The following GSE1 variants were observed in gnomAD, a reference collection of about 807,000 sequenced individuals.
GSE1 encodes Gse1 coiled-coil protein.
In GSE1, 32 loss-of-function variants were observed where a neutral mutation model predicts 112.6. The observed-to-expected ratio is 0.28, with a 90% confidence interval of 0.21 to 0.38. The LOEUF is 0.38. GSE1 is among the 10% of genes least tolerant of loss of function. The probability of loss-of-function intolerance (pLI) is 1.00; values close to 1 mark genes in which losing one functional copy is unlikely to be tolerated. For synonymous variants in GSE1, 1,115 were observed against 735.6 expected, an observed-to-expected ratio of 1.52 and a Z score of -8.35; for missense variants, 2,348 against 1,699.2, an observed-to-expected ratio of 1.38 and a Z score of -6.71.
chr16:85,393,334 G>A (rs1567732050), intron 2 of GSE1, among the ~76,000 whole-genome samples: 1 of 152,236 alleles, frequency 6.6e-6, no homozygotes, highest in Admixed American at 6.5e-5. Context: ...TGGCAAGACA[G>A]GAGCGGCAGG....
At chr16:85,388,472 ATGGGTGGG>A (rs1275864872) in intron 2 of GSE1, among the ~76,000 whole-genome samples, 4 of 17,298 alleles carry the variant, frequency 2.3e-4, no homozygotes, top group South Asian at 2.3e-3. Flanking sequence ...GGGTGAGTGG[ATGGGTGGG>A]TGGGTGGGTG....
At chr16:85,240,669 G>A (rs1377127115) in intron 1 of GSE1, among the ~76,000 whole-genome samples, 3 of 152,208 alleles carry the variant, frequency 2.0e-5, no homozygotes, top group African/African-American at 2.4e-5. Context: ...GCCTGGGTGC[G>A]CCCTGCGAGG....
intron 1 of GSE1, among the ~76,000 whole-genome samples, chr16:85,221,935 C>T (rs972382512): frequency 1.3e-5 from 2 of 152,182 alleles, no homozygotes; most frequent in African/African-American, 4.8e-5. Flanking sequence ...AGCTGCCCCT[C>T]CCGGTCCCCG....
chr16:85,395,375 CAT>C (rs2047941631), intron 2 of GSE1, among the ~76,000 whole-genome samples: 1 of 152,178 alleles, frequency 6.6e-6, no homozygotes, highest in African/African-American at 2.4e-5. Context: ...CCAGGCTCCT[CAT>C]GTGAGAAGGA....
chr16:85,214,677 C>G (rs529760441), intron 1 of GSE1, among the ~76,000 whole-genome samples: 32 of 152,336 alleles, frequency 2.1e-4, no homozygotes, highest in African/African-American at 7.5e-4. Context: ...GCCTCCCTCT[C>G]TGGCCTCTGT....
chr16:85,398,804 G>A (rs1221141232), intron 2 of GSE1, among the ~76,000 whole-genome samples: 2 of 152,138 alleles, frequency 1.3e-5, no homozygotes, highest in African/African-American at 4.8e-5. Context: ...ACATGGTCCC[G>A]CACAGAGAAT....
chr16:85,626,922 G>A (rs1229801690), intron 1 of GSE1, among the ~76,000 whole-genome samples: 1 of 151,928 alleles, frequency 6.6e-6, no homozygotes, highest in East Asian at 1.9e-4. Context: ...TGGACAGCAG[G>A]CAGACCGGTT....
In GSE1 at chr16:85,648,700, C is replaced by G; in HGVS notation, c.375C>G (p.Thr125=). Residue 125 remains threonine, a synonymous_variant, in exon 3 of 16, where the codon ACC becomes ACG. Transcript: ENST00000253458. The part of the protein sequence containing the change: ...HSVPSTPPVV[T]IAPTKTVNGV... ...TGCCCAGCACCCCCCCCGTGGTGAC[C>G]ATCGCTCCAACCAAAACCGTGAATG... The G allele has an allele frequency of 1.2e-6, 2 of 1,608,828 alleles. No individual in the cohort carries two copies. The highest frequency in any genetic ancestry group is 1.7e-6 in the Non-Finnish European group (2 of 1,177,904).
At chr16:85,210,065 C>T (rs764570197) in intron 1 of GSE1, among the ~76,000 whole-genome samples, 6 of 152,198 alleles carry the variant, frequency 3.9e-5, no homozygotes, top group Non-Finnish European at 7.4e-5. Flanking sequence ...TGGTCAGACT[C>T]GGTGCTGGTG....
intron 1 of GSE1, among the ~76,000 whole-genome samples, chr16:85,615,372 C>T (rs1232747915): frequency 6.6e-6 from 1 of 152,270 alleles, no homozygotes; most frequent in Non-Finnish European, 1.5e-5. Flanking sequence ...CTTTCCGAGA[C>T]AGCCAGCCCC....
At chr16:85,331,423 G>GTA (rs1256074843) in intron 1 of GSE1, among the ~76,000 whole-genome samples, 8 of 104,236 alleles carry the variant, frequency 7.7e-5, no homozygotes, top group Admixed American at 1.0e-4. Flanking sequence ...GCGTATATAT[G>GTA]TATATATGTA....
intron 1 of GSE1, among the ~76,000 whole-genome samples, chr16:85,224,101 G>A (rs1321886436): frequency 1.3e-5 from 2 of 151,784 alleles, no homozygotes; most frequent in African/African-American, 4.8e-5. Context: ...GGGGGCACGT[G>A]GCGCATCTCA....
intron 2 of GSE1, among the ~76,000 whole-genome samples, chr16:85,519,136 G>A (rs1259281936): frequency 1.3e-5 from 2 of 151,930 alleles, no homozygotes; most frequent in Non-Finnish European, 2.9e-5. Flanking sequence ...ATGAGGTACT[G>A]GGTATCAAGT....
chr16:85,446,555 C>T (rs1028388871), intron 2 of GSE1, among the ~76,000 whole-genome samples: 1 of 152,150 alleles, frequency 6.6e-6, no homozygotes, highest in Admixed American at 6.5e-5. Context: ...TGACCGGGCT[C>T]ATGTGGAAGG....
chr16:85,545,813 C>G (rs2044675228), intron 2 of GSE1, among the ~76,000 whole-genome samples: 1 of 152,186 alleles, frequency 6.6e-6, no homozygotes. Context: ...GAGACAGAGT[C>G]TCACTGTCGC....
At chr16:85,652,782 T>G (rs1044625052) in intron 3 of GSE1, among the ~76,000 whole-genome samples, 2 of 152,112 alleles carry the variant, frequency 1.3e-5, no homozygotes, top group African/African-American at 4.8e-5. Flanking sequence ...GTGGGGCAGG[T>G]CTCAGAGCCC....
intron 3 of GSE1, among the ~76,000 whole-genome samples, 153 bp from the exon 4 acceptor site, chr16:85,654,125 C>T (rs1317117237): frequency 6.6e-6 from 1 of 152,198 alleles, no homozygotes; most frequent in Non-Finnish European, 1.5e-5. Flanking sequence ...ACACCACATG[C>T]ACCATGTTTT....
intron 2 of GSE1, among the ~76,000 whole-genome samples, chr16:85,515,886 C>T (rs777797518): frequency 2.0e-5 from 3 of 152,160 alleles, no homozygotes; most frequent in East Asian, 3.9e-4. Flanking sequence ...CTTTCCCCAC[C>T]GGCTCTGGCC....
intron 1 of GSE1, among the ~76,000 whole-genome samples, chr16:85,317,125 G>T (rs1373248180): frequency 1.3e-5 from 2 of 152,204 alleles, no homozygotes; most frequent in Non-Finnish European, 2.9e-5. Flanking sequence ...CCTGTTGTGT[G>T]CTGGGCAGGC....
Sources: gnomAD v4.1 joint callset for allele counts (sites outside exome capture counted in the v4.1 genomes callset) on GRCh38, gnomAD v4.1.1 for gene constraint, MANE v1.5 for transcripts, NCBI Gene and HGNC (gene_info 2026-07-23, HGNC 2026-07-21) for gene names.